Variants in TMEM39A observed in about 807,000 individuals in gnomAD.
The protein encoded by TMEM39A is transmembrane protein 39A, also known as suppressor of SQST-1 aggregates in rpl-43 mutants.
A neutral mutation model predicts 51.9 loss-of-function variants in TMEM39A; 19 were observed. The observed-to-expected ratio is 0.37, with a 90% CI of 0.26 to 0.54. TMEM39A has a LOEUF of 0.54. Among genes scored for constraint, TMEM39A ranks in the 20% least tolerant of loss-of-function variants. The probability of loss-of-function intolerance (pLI) is 0.88; values close to 1 mark genes in which losing one functional copy is unlikely to be tolerated. For synonymous variants in TMEM39A, 197 were observed against 220.2 expected (o/e 0.89, Z 0.93); for missense variants, 433 against 590.5 (o/e 0.73, Z 2.76).
At position 119,429,444 on chromosome 3, in the gene TMEM39A, C is replaced by G. The variant is rs1219814244; in HGVS notation, c.*2537G>C. Reference sequence around the variant, plus strand: ...TTTTCCAGTATCCCAGTTCACCCAACTGAACTTTTGCTATACCATGCTTTC... The same window carrying G: ...TTTTCCAGTATCCCAGTTCACCCAAGTGAACTTTTGCTATACCATGCTTTC... On this transcript the variant is annotated 3_prime_UTR_variant, in exon 9 of 9. Coordinates refer to ENST00000319172, the MANE Select transcript of TMEM39A (RefSeq NM_018266.3). 1 of 152,066 alleles carries G rather than the reference C, an allele frequency of 6.6e-6. No individual in the cohort carries two copies. The highest frequency in any genetic ancestry group is 1.9e-4 in the East Asian group (1 of 5,196). 9.4% of individuals were successfully genotyped at this position (152,066 alleles called of 1,614,324 possible).
At chr3:119,446,913 A>G in intron 5 of TMEM39A, 105 bp downstream of exon 5, 1 of 1,287,172 alleles carries the variant, frequency 7.8e-7, no homozygotes, top group South Asian at 1.5e-5. Flanking sequence ...TAAATGCTTC[A>G]TTTATATTTG....
intron 7 of TMEM39A, 38 bp from the exon 8 acceptor site, chr3:119,434,920 A>G: frequency 6.2e-7 from 1 of 1,602,604 alleles, no homozygotes. Context: ...CATATTGGCA[A>G]TTACAGATAA....
At chr3:119,447,403 C>T (rs1016616557) in intron 4 of TMEM39A, among the ~76,000 whole-genome samples, 1 of 152,126 alleles carries the variant, frequency 6.6e-6, no homozygotes, top group African/African-American at 2.4e-5. Context: ...CTACAGAACT[C>T]TTTTAAGGTC....
At chr3:119,442,383 T>C (rs957062408) in intron 5 of TMEM39A, among the ~76,000 whole-genome samples, 2 of 151,980 alleles carry the variant, frequency 1.3e-5, no homozygotes, top group African/African-American at 4.8e-5. Flanking sequence ...ATTGACAGTG[T>C]ACCTAGTCAC....
chr3:119,462,195 G>A, intron 1 of TMEM39A, 47 bp from the exon 2 acceptor site: 1 of 688,890 alleles, frequency 1.5e-6, no homozygotes, highest in Non-Finnish European at 2.5e-6. Flanking sequence ...TATTTTTAAA[G>A]TAGGCAACAA....
chr3:119,450,424 A>G (rs190683013), intron 4 of TMEM39A, among the ~76,000 whole-genome samples: 27 of 152,350 alleles, frequency 1.8e-4, no homozygotes, highest in Admixed American at 1.4e-3. Context: ...TAGATGTACC[A>G]AAATTATTTA....
intron 5 of TMEM39A, among the ~76,000 whole-genome samples, chr3:119,446,072 G>T (rs1378986050): frequency 6.6e-6 from 1 of 151,890 alleles, no homozygotes; most frequent in Non-Finnish European, 1.5e-5. Flanking sequence ...TATAAATTAG[G>T]TACATTAAGA....
At position 119,449,636 on chromosome 3, in the gene TMEM39A, A is replaced by C. The variant is rs968333338; in HGVS notation, c.421-2464T>G. Among the ~76,000 whole-genome samples the C allele has an allele frequency of 4.6e-5, 7 of 151,924 alleles. No homozygotes were observed. The South Asian group carries it at 1.0e-3, about 23-fold the overall frequency. ...AAACTCTGTCTGCCCCCCACCCCCC[A>C]AAAAAAGTGGTCTTCAATAATGAGA... On this transcript the variant is annotated intron_variant, in intron 4 of 8. Coordinates refer to ENST00000319172, the MANE Select transcript of TMEM39A (RefSeq NM_018266.3).
intron 4 of TMEM39A, chr3:119,451,293 A>G (rs1429057610): frequency 1.6e-6 from 2 of 1,288,798 alleles, no homozygotes; most frequent in East Asian, 5.6e-5. Flanking sequence ...AGGGTTCCTG[A>G]AAATCAGAGC....
At position 119,431,249 on chromosome 3, in the gene TMEM39A, ATCT is replaced by A. The variant is rs2080895582; in HGVS notation, c.*729_*731del. ...TCTCCTACTGATCCAGCCACACATC[ATCT>A]TCTTCATGAATGTGGGCAGTCTAAA... On this transcript the variant is annotated 3_prime_UTR_variant, in exon 9 of 9. Coordinates refer to ENST00000319172, the MANE Select transcript of TMEM39A (RefSeq NM_018266.3). 1 of 152,116 alleles carries A rather than the reference ATCT, an allele frequency of 6.6e-6. No homozygotes were observed. Among genetic ancestry groups the A allele is most frequent in the African/African-American group, 2.4e-5 (1 of 41,430 alleles). 9.4% of individuals were successfully genotyped at this position (152,116 alleles called of 1,614,324 possible).
intron 3 of TMEM39A, 100 bp downstream of exon 3, chr3:119,457,918 A>G: frequency 1.1e-6 from 1 of 877,612 alleles, no homozygotes; most frequent in Non-Finnish European, 1.7e-6. Flanking sequence ...ACATTTTATT[A>G]AAAGAAAAAT....
At position 119,431,426 on chromosome 3, in the gene TMEM39A, T is replaced by A. The variant is rs778678031; in HGVS notation, c.*555A>T. ...TATATTTAAATGTCACAGGGTAAAA[T>A]AGACCAGCTGAGTCCGTATCTTAGA... On this transcript the variant is annotated 3_prime_UTR_variant, in exon 9 of 9. Transcript: ENST00000319172. The A allele has an allele frequency of 3.3e-5, 5 of 152,166 alleles. No homozygotes were observed. The highest frequency in any genetic ancestry group is 1.2e-4 in the African/African-American group (5 of 41,412). The allele number at this position is 152,166 out of a possible 1,614,324, so 9.4% of individuals were successfully genotyped here.
At chr3:119,436,649 A>G in intron 7 of TMEM39A, 142 bp downstream of exon 7, 1 of 870,878 alleles carries the variant, frequency 1.1e-6, no homozygotes, top group Non-Finnish European at 1.8e-6. Context: ...TATTCAGTTT[A>G]GCATGATGAC....
chr3:119,437,019 G>T (rs756723299), intron 6 of TMEM39A, 41 bp from the exon 7 acceptor site: 1 of 1,565,978 alleles, frequency 6.4e-7, no homozygotes, highest in East Asian at 2.3e-5. Flanking sequence ...CCATGCACTG[G>T]TAAAAAGAGG....
chr3:119,448,507 C>A (rs974312745), intron 4 of TMEM39A, among the ~76,000 whole-genome samples: 1 of 152,152 alleles, frequency 6.6e-6, no homozygotes, highest in Non-Finnish European at 1.5e-5. Flanking sequence ...ATACTGTATA[C>A]TGAATACTAT....
chr3:119,447,382 G>A (rs1049856056), intron 4 of TMEM39A, among the ~76,000 whole-genome samples: 1 of 152,052 alleles, frequency 6.6e-6, no homozygotes, highest in African/African-American at 2.4e-5. Flanking sequence ...CTTGCACCCC[G>A]AGAGTGCCAT....
intron 5 of TMEM39A, among the ~76,000 whole-genome samples, chr3:119,442,997 C>T (rs942895192): frequency 7.0e-6 from 1 of 141,858 alleles, no homozygotes; most frequent in Non-Finnish European, 1.5e-5. Context: ...GCCCAGGAGA[C>T]AGATGTTGCA....
At chr3:119,457,753 A>T (rs1043208659) in intron 3 of TMEM39A, among the ~76,000 whole-genome samples, 3 of 152,338 alleles carry the variant, frequency 2.0e-5, no homozygotes, top group Admixed American at 6.5e-5. Flanking sequence ...AGAGAAAACT[A>T]AATACCAAAA....
At chr3:119,457,832 C>A (rs1027525776) in intron 3 of TMEM39A, among the ~76,000 whole-genome samples, 186 bp downstream of exon 3, 24 of 152,188 alleles carry the variant, frequency 1.6e-4, no homozygotes, top group African/African-American at 5.5e-4. Context: ...TTTTTACTTC[C>A]TCTGGTAGTA....
Sources: gnomAD v4.1 joint callset for allele counts (sites outside exome capture counted in the v4.1 genomes callset) on GRCh38, gnomAD v4.1.1 for gene constraint, MANE v1.5 for transcripts, NCBI Gene and HGNC (gene_info 2026-07-23, HGNC 2026-07-21) for gene names.